BEND4: variants seen among roughly 807,000 people sequenced by gnomAD.
The protein encoded by BEND4 is BEN domain containing 4, also known as BEN domain-containing protein 4.
Under a neutral mutation model 54.7 loss-of-function variants are expected in BEND4, and 27 were observed. That is an observed-to-expected ratio of 0.49 (90% CI 0.36 to 0.68). The LOEUF is 0.68. Among genes scored for constraint, BEND4 ranks in the 30% least tolerant of loss-of-function variants. BEND4 has a pLI of 0.00. For missense variants in BEND4, 702 were observed against 697.2 expected, an observed-to-expected ratio of 1.01 and a Z score of -0.08; for synonymous variants, 327 against 299.5, an observed-to-expected ratio of 1.09 and a Z score of -0.95.
intron 2 of BEND4, among the ~76,000 whole-genome samples, chr4:42,150,593 T>C (rs1477376591): frequency 1.3e-5 from 2 of 152,222 alleles, no homozygotes; most frequent in Non-Finnish European, 2.9e-5. Context: ...CAAAGTGCCA[T>C]AAAAGGCCTT....
At chr4:42,123,718 C>CAAAAAAA (rs1034323645) in intron 4 of BEND4, among the ~76,000 whole-genome samples, 3 of 78,818 alleles carry the variant, frequency 3.8e-5, no homozygotes, top group African/African-American at 1.4e-4. Context: ...AAAAAAAAAA[C>CAAAAAAA]AACTTTCCAG....
chr4:42,141,016 A>G (rs1327737991), intron 3 of BEND4, among the ~76,000 whole-genome samples: 1 of 151,488 alleles, frequency 6.6e-6, no homozygotes, highest in African/African-American at 2.5e-5. Context: ...CAGCTGTGAG[A>G]CTTGTAAAAT....
At chr4:42,138,420 G>T (rs910323081) in intron 3 of BEND4, among the ~76,000 whole-genome samples, 12 of 152,204 alleles carry the variant, frequency 7.9e-5, no homozygotes, top group African/African-American at 2.4e-4. Flanking sequence ...GCTACAAGGG[G>T]TGGGGAGTGG....
intron 2 of BEND4, 186 bp downstream of exon 2, chr4:42,151,471 C>A: frequency 3.9e-6 from 2 of 514,914 alleles, no homozygotes; most frequent in Non-Finnish European, 3.0e-6. Flanking sequence ...GTCGGAAGCC[C>A]AGGCGCGGCG....
In BEND4 at chr4:42,114,441, C is replaced by G. The variant is rs1165337053; in HGVS notation, c.*3077G>C. 1 of 152,254 alleles carries G rather than the reference C, an allele frequency of 6.6e-6. No homozygotes were observed. The highest frequency in any genetic ancestry group is 2.1e-4 in the South Asian group (1 of 4,824). The allele number at this position is 152,254 out of a possible 1,614,324, so 9.4% of individuals were successfully genotyped here. A position where few individuals can be genotyped will look rare whatever the true frequency, so the allele number is the denominator to read the frequency against. The stretch of plus-strand genomic sequence containing the variant: ...TGTCAAGCCAGCCCCGTGACCTCCT[C>G]CTCTCACCAATTAAGTGGGGGCACA... On this transcript the variant is annotated 3_prime_UTR_variant, in exon 6 of 6. Coordinates refer to ENST00000502486, the MANE Select transcript of BEND4 (RefSeq NM_207406.4).
chr4:42,135,761 C>G (rs1378182441), intron 3 of BEND4, among the ~76,000 whole-genome samples: 1 of 151,974 alleles, frequency 6.6e-6, no homozygotes, highest in African/African-American at 2.4e-5. Flanking sequence ...GGCGACAGAG[C>G]AAGACTCCGT....
chr4:42,120,177 C>T lies in BEND4; in HGVS notation c.1264G>A (p.Val422Ile), dbSNP rs1469750583. The T allele has an allele frequency of 6.2e-7, 1 of 1,613,962 alleles. No individual in the cohort carries two copies. Among genetic ancestry groups the T allele is most frequent in the South Asian group, 1.1e-5 (1 of 91,068 alleles). The change falls in exon 5 of 6, where the codon GTT (valine) becomes ATT (isoleucine). Residue 422 changes from valine to isoleucine, a missense_variant. Physicochemically the swap from Val to Ile is conservative, Grantham distance 29 (BLOSUM62 3). Transcript: ENST00000502486. Reference protein sequence around the residue: ...RRLLRYLIRFVFTTDELKYSC... With the variant: ...RRLLRYLIRFIFTTDELKYSC... Reference sequence around the variant, plus strand: ...TACTTAAGCTCATCGGTTGTGAAAACAAATCTGATGAGGTATCGAAGGAGC... The same window carrying T: ...TACTTAAGCTCATCGGTTGTGAAAATAAATCTGATGAGGTATCGAAGGAGC...
chr4:42,140,742 G>T (rs1720851776), intron 3 of BEND4, among the ~76,000 whole-genome samples: 1 of 152,066 alleles, frequency 6.6e-6, no homozygotes, highest in South Asian at 2.1e-4. Context: ...TTAGGATCAG[G>T]AATTAGACAA....
intron 3 of BEND4, among the ~76,000 whole-genome samples, chr4:42,136,781 T>C (rs978024546): frequency 1.3e-5 from 2 of 152,236 alleles, no homozygotes; most frequent in African/African-American, 4.8e-5. Context: ...TGATGTGCCT[T>C]ACAGAGAAAA....
intron 2 of BEND4, among the ~76,000 whole-genome samples, chr4:42,149,938 C>T (rs1203989135): frequency 6.6e-6 from 1 of 151,940 alleles, no homozygotes; most frequent in Non-Finnish European, 1.5e-5. Flanking sequence ...TCAACAAAGG[C>T]TGGAAGGAGA....
rs1047244290 is a variant in BEND4 at position 42,117,295 on chromosome 4, T to G, written c.*223A>C. 4.4e-6 allele frequency: 2 copies of G among 452,990 alleles called. No homozygotes were observed. The highest frequency in any genetic ancestry group is 3.8e-5 in the East Asian group (1 of 26,092). 28.1% of individuals were successfully genotyped at this position (452,990 alleles called of 1,614,324 possible). A position where few individuals can be genotyped will look rare whatever the true frequency, so the allele number is the denominator to read the frequency against. On this transcript the variant is annotated 3_prime_UTR_variant, in exon 6 of 6. Transcript: ENST00000502486. ...AGCTAGTAATCATTTAAAAATCAGATGTAGTTTTTTCTTTTTATAATATAA... is the reference window on the plus strand; with the variant it reads ...AGCTAGTAATCATTTAAAAATCAGAGGTAGTTTTTTCTTTTTATAATATAA...
At chr4:42,151,351 G>C (rs1207565997) in intron 2 of BEND4, 6 of 239,536 alleles carry the variant, frequency 2.5e-5, no homozygotes, top group Non-Finnish European at 4.0e-5. Flanking sequence ...CCCCGGGGGG[G>C]CGTCTGGCCC....
chr4:42,148,541 T>C (rs1721154244), intron 2 of BEND4, among the ~76,000 whole-genome samples: 1 of 152,256 alleles, frequency 6.6e-6, no homozygotes, highest in South Asian at 2.1e-4. Flanking sequence ...TCAGCTCTGC[T>C]AGACAGAAAG....
At chr4:42,142,005 G>A (rs1046265152) in intron 3 of BEND4, among the ~76,000 whole-genome samples, 15 of 151,772 alleles carry the variant, frequency 9.9e-5, no homozygotes, top group African/African-American at 3.1e-4. Flanking sequence ...CTGGGTTCAC[G>A]TCATTCTCCT....
At chr4:42,123,730 G>C (rs1720160749) in intron 4 of BEND4, among the ~76,000 whole-genome samples, 1 of 110,608 alleles carries the variant, frequency 9.0e-6, no homozygotes, top group Non-Finnish European at 1.9e-5. Context: ...ACTTTCCAGG[G>C]TGGAGAACAG....
Position 42,117,628 on chromosome 4 carries a change from C to G in BEND4, c.1495G>C (p.Ala499Pro). Reference sequence around the variant, plus strand: ...CCGTTGTGCAGGAAAGTCCCCACCGCCCGCCCCTGTCGGGCGTGACCGACA... The same window carrying G: ...CCGTTGTGCAGGAAAGTCCCCACCGGCCGCCCCTGTCGGGCGTGACCGACA... ...DAVGHARQGR[A>P]VGTFLHNGGS... The change falls in exon 6 of 6, where the codon GCG (alanine) becomes CCG (proline). Residue 499 changes from alanine to proline, a missense_variant. Ala to Pro is a conservative substitution (Grantham distance 27, BLOSUM62 -1). Coordinates refer to ENST00000502486, the MANE Select transcript of BEND4 (RefSeq NM_207406.4). 1 of 1,612,822 alleles carries G rather than the reference C, an allele frequency of 6.2e-7. No individual in the cohort carries two copies. Among genetic ancestry groups the G allele is most frequent in the South Asian group, 1.1e-5 (1 of 90,704 alleles).
Position 42,143,626 on chromosome 4 carries a change from G to A in BEND4, c.856C>T (p.Pro286Ser). 6.2e-7 allele frequency: 1 copy of A among 1,611,710 alleles called. No individual in the cohort carries two copies. Among genetic ancestry groups the A allele is most frequent in the Middle Eastern group, 1.7e-4 (1 of 6,060 alleles). The change falls in exon 3 of 6, where the codon CCT (proline) becomes TCT (serine). Residue 286 changes from proline (P) to serine (S), a missense_variant. Coordinates refer to ENST00000502486, the MANE Select transcript of BEND4 (RefSeq NM_207406.4). ...GTCCAGCCACCTAATGTATGCACAG[G>A]AGAGGTTGACAGAGGATCCACGTCG... ...LADVDPLSTS[P>S]VHTLGGWTSP...
Position 42,126,782 on chromosome 4 carries a change from G to A in BEND4, c.1055-1108C>T, listed in dbSNP as rs1394386547. On this transcript the variant is annotated intron_variant, in intron 3 of 5. Transcript: ENST00000502486. ...ATCCCAGCTCAGGGAGGCAAAAGGC[G>A]GGAGAATAGCTTAAGCCCAGGAGTT... 7.2e-5 allele frequency among the ~76,000 whole-genome samples: 11 copies of A among 152,254 alleles called. No individual in the cohort carries two copies. The East Asian group carries it at 9.6e-4, about 13-fold the overall frequency.
intron 3 of BEND4, among the ~76,000 whole-genome samples, chr4:42,136,007 T>G (rs1720684630): frequency 6.6e-6 from 1 of 152,212 alleles, no homozygotes; most frequent in South Asian, 2.1e-4. Context: ...AGAGCCATGA[T>G]GATGTTCACC....
Sources: allele counts gnomAD v4.1 joint callset (sites outside exome capture counted in the v4.1 genomes callset), GRCh38; gene constraint gnomAD v4.1.1; transcripts MANE v1.5; gene names NCBI Gene and HGNC (gene_info 2026-07-23, HGNC 2026-07-21).